Variants in PAWR observed in about 807,000 individuals in gnomAD.
PAWR encodes the protein pro-apoptotic WT1 regulator, also known as PRKC apoptosis WT1 regulator protein.
Under a neutral mutation model 32.0 loss-of-function variants are expected in PAWR, and 23 were observed. That is an observed-to-expected ratio of 0.72 (90% CI 0.52 to 1.02). PAWR has a LOEUF of 1.02. Ranked by LOEUF, PAWR falls within the 50% of genes least tolerant of loss-of-function variation. The probability of loss-of-function intolerance (pLI) is 0.00; values close to 1 mark genes in which losing one functional copy is unlikely to be tolerated. For synonymous variants in PAWR, 226 were observed against 187.1 expected (o/e 1.21, Z -1.70); for missense variants, 457 against 437.7 (o/e 1.04, Z -0.39).
chr12:79,609,052 GGAGT>G (rs1874321377), intron 4 of PAWR, among the ~76,000 whole-genome samples: 1 of 151,820 alleles, frequency 6.6e-6, no homozygotes, highest in Middle Eastern at 3.2e-3. Context: ...CTGGGTGACA[GGAGT>G]GAGACTCCAC....
chr12:79,624,697 T>C (rs1477708967), intron 2 of PAWR, among the ~76,000 whole-genome samples: 1 of 152,150 alleles, frequency 6.6e-6, no homozygotes, highest in Admixed American at 6.5e-5. Flanking sequence ...GAGGAAGAAG[T>C]TGGCGGAAAT....
At chr12:79,645,719 TATCAATG>T (rs1876543207) in intron 2 of PAWR, among the ~76,000 whole-genome samples, 1 of 152,254 alleles carries the variant, frequency 6.6e-6, no homozygotes, top group African/African-American at 2.4e-5. Flanking sequence ...AACATTACCC[TATCAATG>T]ATAACATTAT....
intron 5 of PAWR, among the ~76,000 whole-genome samples, chr12:79,595,728 T>C (rs1352931629): frequency 6.6e-6 from 1 of 152,114 alleles, no homozygotes; most frequent in Non-Finnish European, 1.5e-5. Flanking sequence ...GGTGCATGCC[T>C]GTAATCCCAG....
chr12:79,630,158 G>T (rs1875541930), intron 2 of PAWR, among the ~76,000 whole-genome samples: 1 of 151,828 alleles, frequency 6.6e-6, no homozygotes, highest in Non-Finnish European at 1.5e-5. Context: ...CCAAAAGTGG[G>T]TTCTTAGAAG....
rs114429424 is a variant in PAWR, at chr12:79,637,656, C to T, written c.517-16449G>A. On this transcript the variant is annotated intron_variant, in intron 2 of 6. Coordinates refer to ENST00000328827, the MANE Select transcript of PAWR (RefSeq NM_002583.4). Reference sequence around the variant, plus strand: ...CTTCTAACTGGATAGCAGAAAGAAACGTATTAATCTATGTTATAATGAACA... The same window carrying T: ...CTTCTAACTGGATAGCAGAAAGAAATGTATTAATCTATGTTATAATGAACA... Among the ~76,000 whole-genome samples, 535 of 151,260 alleles carry T rather than the reference C, an allele frequency of 3.5e-3. 4 individuals are homozygous for T. The highest frequency in any genetic ancestry group is 0.012 in the African/African-American group (513 of 41,220).
At chr12:79,633,164 T>C (rs1454435688) in intron 2 of PAWR, among the ~76,000 whole-genome samples, 1 of 151,504 alleles carries the variant, frequency 6.6e-6, no homozygotes, top group East Asian at 1.9e-4. Flanking sequence ...AAAAAAACTA[T>C]CAAAATTAAA....
At chr12:79,614,978 G>A (rs1447063542) in intron 3 of PAWR, among the ~76,000 whole-genome samples, 1 of 152,102 alleles carries the variant, frequency 6.6e-6, no homozygotes, top group Admixed American at 6.6e-5. Flanking sequence ...CTATTTTATT[G>A]GGTTGTTGTA....
chr12:79,601,496 C>A (rs922932486), intron 4 of PAWR, among the ~76,000 whole-genome samples: 2 of 152,036 alleles, frequency 1.3e-5, no homozygotes, highest in Admixed American at 1.3e-4. Flanking sequence ...TGAGCTACCA[C>A]GCCTGGCCCT....
chr12:79,654,113 G>T (rs901509658), intron 2 of PAWR, among the ~76,000 whole-genome samples: 1 of 152,134 alleles, frequency 6.6e-6, no homozygotes, highest in Non-Finnish European at 1.5e-5. Flanking sequence ...AGATAAAAAG[G>T]TTAACAAAAA....
intron 2 of PAWR, among the ~76,000 whole-genome samples, chr12:79,682,663 C>T (rs1239903581): frequency 2.6e-5 from 4 of 152,176 alleles, no homozygotes; most frequent in South Asian, 4.1e-4. Flanking sequence ...CCTACAATGT[C>T]GTTCAGCCAT....
At chr12:79,665,686 C>T (rs1361248156) in intron 2 of PAWR, among the ~76,000 whole-genome samples, 2 of 152,148 alleles carry the variant, frequency 1.3e-5, no homozygotes, top group African/African-American at 4.8e-5. Flanking sequence ...ATATACATCT[C>T]CTCTCTCCAG....
intron 5 of PAWR, among the ~76,000 whole-genome samples, chr12:79,594,804 C>T (rs1273230572): frequency 6.6e-6 from 1 of 152,070 alleles, no homozygotes; most frequent in Non-Finnish European, 1.5e-5. Context: ...GCAACCTCCA[C>T]CTCCTGGGTT....
chr12:79,639,729 T>C (rs1399736897), intron 2 of PAWR, among the ~76,000 whole-genome samples: 2 of 152,226 alleles, frequency 1.3e-5, no homozygotes, highest in Non-Finnish European at 2.9e-5. Flanking sequence ...CCTTGTATGT[T>C]AACTGGCAAT....
intron 2 of PAWR, among the ~76,000 whole-genome samples, chr12:79,660,045 C>T (rs536936597): frequency 1.3e-5 from 2 of 152,138 alleles, no homozygotes; most frequent in East Asian, 3.9e-4. Context: ...TGGTTAGTGC[C>T]AGGCCCATAT....
At chr12:79,632,066 GA>G (rs1875651843) in intron 2 of PAWR, 1 of 138,052 alleles carries the variant, frequency 7.2e-6, no homozygotes, top group African/African-American at 2.8e-5. Flanking sequence ...CCGGGAGGCA[GA>G]AATCGCAGTG....
intron 1 of PAWR, 82 bp from the exon 2 acceptor site, chr12:79,690,473 C>A (rs1447755649): frequency 3.5e-6 from 3 of 853,682 alleles, no homozygotes; most frequent in African/African-American, 1.8e-5. Flanking sequence ...GGGCTGCGCC[C>A]CTTGGAGTCC....
In PAWR at chr12:79,665,922, A is replaced by C. The variant is rs543479866; in HGVS notation, c.516+23807T>G. Among the ~76,000 whole-genome samples, 28 of 152,366 alleles carry C rather than the reference A, an allele frequency of 1.8e-4. No individual in the cohort carries two copies. The South Asian group carries it at 5.8e-3, about 32-fold the overall frequency. The stretch of plus-strand genomic sequence containing the variant: ...ATATCTCACAATAAATAAGCATTTT[A>C]AGCTAATCGCAGACATTATCTTGTT... On this transcript the variant is annotated intron_variant, in intron 2 of 6. Coordinates refer to ENST00000328827, the MANE Select transcript of PAWR (RefSeq NM_002583.4).
chr12:79,630,129 A>C (rs1299309458), intron 2 of PAWR, among the ~76,000 whole-genome samples: 1 of 152,060 alleles, frequency 6.6e-6, no homozygotes, highest in African/African-American at 2.4e-5. Flanking sequence ...AATAAAACAA[A>C]ATAGAAAAAA....
rs978474556 is a variant in PAWR at position 79,589,158 on chromosome 12, T to C, written c.*3449A>G. ...CACCAACTCAGAACCCATAAAACTA[T>C]ACACATATGCACAAAAAAAAAACTC... On this transcript the variant is annotated 3_prime_UTR_variant, in exon 7 of 7. Transcript: ENST00000328827. 2 of 151,640 alleles carry C rather than the reference T, an allele frequency of 1.3e-5. No homozygotes were observed. The highest frequency in any genetic ancestry group is 2.9e-5 in the Non-Finnish European group (2 of 67,834). The allele number at this position is 151,640 out of a possible 1,614,324, so 9.4% of individuals were successfully genotyped here.
Sources: allele counts gnomAD v4.1 joint callset (sites outside exome capture counted in the v4.1 genomes callset), GRCh38; gene constraint gnomAD v4.1.1; transcripts MANE v1.5; gene names NCBI Gene and HGNC (gene_info 2026-07-23, HGNC 2026-07-21).